SMOC2: variants seen among roughly 807,000 people sequenced by gnomAD.
SMOC2 encodes SPARC related modular calcium binding 2.
A neutral mutation model predicts 61.4 loss-of-function variants in SMOC2; 39 were observed. The observed-to-expected ratio is 0.64, with a 90% CI of 0.49 to 0.83. The LOEUF (loss-of-function observed/expected upper bound fraction) is 0.83. SMOC2 is among the 40% of genes least tolerant of loss of function. The pLI is 0.00. For synonymous variants in SMOC2, 247 were observed against 239.9 expected (o/e 1.03, Z -0.27); for missense variants, 556 against 592.9 (o/e 0.94, Z 0.65).
intron 1 of SMOC2, among the ~76,000 whole-genome samples, chr6:168,508,499 G>A (rs1782928310): frequency 6.6e-6 from 1 of 152,180 alleles, no homozygotes; most frequent in Non-Finnish European, 1.5e-5. Flanking sequence ...AGCCACAGAG[G>A]GGTACAATGC....
At position 168,568,177 on chromosome 6, in the gene SMOC2, C is replaced by T. The variant is rs1043884388; in HGVS notation, c.637+18974C>T. ...TGTCTCATATTAGAATTTAGTGCAT[C>T]TTCTCTTCAGATGAGCAACTACAGG... On this transcript the variant is annotated intron_variant, in intron 7 of 12. Transcript: ENST00000356284. Among the ~76,000 whole-genome samples the T allele has an allele frequency of 2.6e-5, 4 of 151,996 alleles. No homozygotes were observed. The South Asian group carries it at 8.3e-4, about 32-fold the overall frequency.
chr6:168,612,123 C>T (rs776680362), intron 9 of SMOC2, among the ~76,000 whole-genome samples: 4 of 152,210 alleles, frequency 2.6e-5, no homozygotes, highest in Non-Finnish European at 5.9e-5. Flanking sequence ...TATCTAGGGC[C>T]CCGCAGCACT....
chr6:168,667,140 TC>T lies in SMOC2; in HGVS notation c.*703del, dbSNP rs1787680599. ...TGGGGCTTGAATGAGTCCCAGAGAG[TC>T]GTTCGGATGGTGGGAGGCTGCCTAG... is the stretch of plus-strand genomic sequence containing the variant. On this transcript the variant is annotated 3_prime_UTR_variant, in exon 13 of 13. Transcript: ENST00000356284. The T allele has an allele frequency of 6.6e-6, 1 of 152,130 alleles. No homozygotes were observed. Among genetic ancestry groups the T allele is most frequent in the East Asian group, 1.9e-4 (1 of 5,160 alleles). The allele number at this position is 152,130 out of a possible 1,614,324, so 9.4% of individuals were successfully genotyped here.
At chr6:168,458,418 C>T (rs1781641289) in intron 1 of SMOC2, among the ~76,000 whole-genome samples, 1 of 152,112 alleles carries the variant, frequency 6.6e-6, no homozygotes, top group Admixed American at 6.5e-5. Context: ...TGGGCTTTGG[C>T]GTCACCAGTT....
At chr6:168,609,710 C>T (rs1475938259) in intron 9 of SMOC2, among the ~76,000 whole-genome samples, 3 of 152,190 alleles carry the variant, frequency 2.0e-5, no homozygotes, top group South Asian at 2.1e-4. Flanking sequence ...CATGGAAAGC[C>T]CTCAATAAAT....
chr6:168,471,323 T>C (rs915015242), intron 1 of SMOC2, among the ~76,000 whole-genome samples: 3 of 152,180 alleles, frequency 2.0e-5, no homozygotes, highest in Non-Finnish European at 4.4e-5. Context: ...ACCTCATATA[T>C]GTAGAATCAT....
At chr6:168,441,634 G>T (rs1261001795) in intron 1 of SMOC2, among the ~76,000 whole-genome samples, 180 bp downstream of exon 1, 1 of 152,148 alleles carries the variant, frequency 6.6e-6, no homozygotes, top group Non-Finnish European at 1.5e-5. Flanking sequence ...CAGCGTGCGC[G>T]CCTGGGACCC....
At chr6:168,549,240 T>C (rs371345246) in intron 7 of SMOC2, 37 bp downstream of exon 7, 25 of 1,584,154 alleles carry the variant, frequency 1.6e-5, no homozygotes, top group Non-Finnish European at 2.1e-5. Flanking sequence ...TAAGGAGTGA[T>C]TTAATAGATC....
In SMOC2 at chr6:168,599,114, A is replaced by ACACACT. The variant is rs200881398; in HGVS notation, c.824+122_824+127dup. 1.0e-5 allele frequency: 10 copies of ACACACT among 957,304 alleles called. No individual in the cohort carries two copies. In the South Asian group the frequency reaches 1.3e-4, roughly 13 times the overall value. 59.3% of individuals were successfully genotyped at this position (957,304 alleles called of 1,614,324 possible). On this transcript the variant is annotated intron_variant, in intron 8 of 12. Transcript: ENST00000356284. ...AACACACACCGACACACAGTCACAC[A>ACACACT]CACACTCACACTCACACACACTGAT... is the stretch of plus-strand genomic sequence containing the variant.
chr6:168,506,243 C>T (rs1300050150), intron 1 of SMOC2, among the ~76,000 whole-genome samples: 2 of 152,080 alleles, frequency 1.3e-5, no homozygotes, highest in Non-Finnish European at 2.9e-5. Flanking sequence ...ACTGTGTGGC[C>T]CAGGCTGGTC....
At chr6:168,507,375 G>A (rs1782897421) in intron 1 of SMOC2, among the ~76,000 whole-genome samples, 1 of 152,218 alleles carries the variant, frequency 6.6e-6, no homozygotes, top group Admixed American at 6.5e-5. Context: ...GCAGGTTCAT[G>A]TTTTCTTTCT....
intron 7 of SMOC2, among the ~76,000 whole-genome samples, chr6:168,583,835 G>T (rs1583132427): frequency 6.6e-6 from 1 of 152,324 alleles, no homozygotes; most frequent in East Asian, 1.9e-4. Flanking sequence ...GAATAAGGGT[G>T]TCATTGTCCT....
chr6:168,497,175 G>T (rs973295583), intron 1 of SMOC2, among the ~76,000 whole-genome samples: 59 of 152,238 alleles, frequency 3.9e-4, no homozygotes, highest in African/African-American at 1.4e-3. Context: ...CAGGGCCCGG[G>T]CCCCAAGCCC....
At chr6:168,564,419 G>A (rs1238526110) in intron 7 of SMOC2, among the ~76,000 whole-genome samples, 1 of 152,050 alleles carries the variant, frequency 6.6e-6, no homozygotes, top group Non-Finnish European at 1.5e-5. Context: ...TAACACTTCA[G>A]ACTTTATGAC....
At chr6:168,470,447 G>A (rs983708040) in intron 1 of SMOC2, among the ~76,000 whole-genome samples, 7 of 152,212 alleles carry the variant, frequency 4.6e-5, no homozygotes, top group East Asian at 3.9e-4. Flanking sequence ...AGGCCGAGTC[G>A]GTGGGCTGCT....
In SMOC2 at chr6:168,501,891, C is replaced by G. The variant is rs141393894; in HGVS notation, c.85-8024C>G. ...GCTGCCTCGCCCTGGCCACATCCTC[C>G]TGCACATCCCTTGGGTCTTCCCGCT... On this transcript the variant is annotated intron_variant, in intron 1 of 12. Coordinates refer to ENST00000356284, the MANE Select transcript of SMOC2 (RefSeq NM_001166412.2). Among the ~76,000 whole-genome samples, 309 of 152,346 alleles carry G rather than the reference C, an allele frequency of 2.0e-3. 1 individual carries two copies. Among genetic ancestry groups the G allele is most frequent in the African/African-American group, 7.0e-3 (291 of 41,590 alleles).
chr6:168,546,129 C>T (rs1251681518), intron 5 of SMOC2, among the ~76,000 whole-genome samples: 1 of 151,382 alleles, frequency 6.6e-6, no homozygotes, highest in African/African-American at 2.5e-5. Flanking sequence ...ATTCTTTAGA[C>T]CACTGGGAAG....
At chr6:168,444,451 CTCT>C (rs1781288157) in intron 1 of SMOC2, among the ~76,000 whole-genome samples, 1 of 152,184 alleles carries the variant, frequency 6.6e-6, no homozygotes, top group South Asian at 2.1e-4. Flanking sequence ...GTAATGATCT[CTCT>C]TCTTTCCACC....
At chr6:168,605,855 C>T (rs906607055) in intron 8 of SMOC2, among the ~76,000 whole-genome samples, 3 of 151,988 alleles carry the variant, frequency 2.0e-5, no homozygotes, top group South Asian at 2.1e-4. Context: ...CTCTGATACT[C>T]GGAGAAGCAA....
Sources: allele counts gnomAD v4.1 joint callset (sites outside exome capture counted in the v4.1 genomes callset), GRCh38; gene constraint gnomAD v4.1.1; transcripts MANE v1.5; gene names NCBI Gene and HGNC (gene_info 2026-07-23, HGNC 2026-07-21).